NELL1: variants seen among roughly 807,000 people sequenced by gnomAD.
NELL1 encodes neural EGFL like 1.
A neutral mutation model predicts 107.4 loss-of-function variants in NELL1; 76 were observed. The observed-to-expected ratio is 0.71, with a 90% CI of 0.59 to 0.86. The LOEUF (loss-of-function observed/expected upper bound fraction) is 0.86. Among genes scored for constraint, NELL1 ranks in the 40% least tolerant of loss-of-function variants. The pLI, the probability that NELL1 is intolerant of heterozygous loss-of-function variation, is 0.00. For missense variants in NELL1, 1,024 were observed against 1,005.5 expected (o/e 1.02, Z -0.25); for synonymous variants, 353 against 341.2 (o/e 1.03, Z -0.38).
intron 12 of NELL1, among the ~76,000 whole-genome samples, chr11:21,043,971 A>G (rs1215595280): frequency 1.3e-5 from 2 of 152,164 alleles, no homozygotes; most frequent in Non-Finnish European, 2.9e-5. Context: ...AAGGTTGGAC[A>G]CATTAAGTCT....
chr11:21,405,788 A>G (rs1028335020), intron 15 of NELL1, among the ~76,000 whole-genome samples: 7 of 151,804 alleles, frequency 4.6e-5, no homozygotes, highest in African/African-American at 1.7e-4. Flanking sequence ...AATTCCTTCT[A>G]CTAAAAATGG....
chr11:20,847,857 C>T (rs1002340649), intron 4 of NELL1, 104 bp downstream of exon 4: 1 of 1,209,906 alleles, frequency 8.3e-7, no homozygotes, highest in Non-Finnish European at 1.1e-6. Flanking sequence ...GAAACAAACA[C>T]CAAGGGACCC....
chr11:21,478,978 A>G (rs1019480230), intron 15 of NELL1, among the ~76,000 whole-genome samples: 8 of 152,124 alleles, frequency 5.3e-5, no homozygotes, highest in African/African-American at 1.9e-4. Context: ...GCAAATCAAA[A>G]CTATAACGAT....
At chr11:21,255,140 G>A (rs971584694) in intron 14 of NELL1, among the ~76,000 whole-genome samples, 1 of 152,046 alleles carries the variant, frequency 6.6e-6, no homozygotes, top group Non-Finnish European at 1.5e-5. Context: ...TGGGTGGAGT[G>A]GTCTTAAAAG....
At chr11:21,508,098 C>G (rs901670077) in intron 15 of NELL1, among the ~76,000 whole-genome samples, 1 of 152,016 alleles carries the variant, frequency 6.6e-6, no homozygotes, top group Non-Finnish European at 1.5e-5. Flanking sequence ...GAAGTTATTT[C>G]TTTGAAAATA....
chr11:20,984,671 A>T (rs1230963628), intron 12 of NELL1, among the ~76,000 whole-genome samples: 1 of 150,976 alleles, frequency 6.6e-6, no homozygotes, highest in East Asian at 2.0e-4. Context: ...CTCCTACTGG[A>T]TGCTGTTCAG....
chr11:20,972,264 C>T (rs1292666503), intron 12 of NELL1, among the ~76,000 whole-genome samples: 3 of 152,028 alleles, frequency 2.0e-5, no homozygotes, highest in African/African-American at 4.8e-5. Context: ...AGGCAGAATC[C>T]AGCACACAAT....
At chr11:20,873,234 G>T (rs1849238387) in intron 4 of NELL1, among the ~76,000 whole-genome samples, 2 of 152,112 alleles carry the variant, frequency 1.3e-5, no homozygotes, top group African/African-American at 4.8e-5. Flanking sequence ...GACGACTGTG[G>T]CCTTGATGTA....
chr11:21,215,347 T>A (rs747053098), intron 13 of NELL1, among the ~76,000 whole-genome samples: 2 of 152,206 alleles, frequency 1.3e-5, no homozygotes, highest in Non-Finnish European at 2.9e-5. Flanking sequence ...TTCTTTCCTT[T>A]ATAAATTACC....
chr11:21,325,008 A>G (rs1014910943), intron 14 of NELL1, among the ~76,000 whole-genome samples: 3 of 151,666 alleles, frequency 2.0e-5, no homozygotes, highest in African/African-American at 7.3e-5. Flanking sequence ...TTTGTATTTT[A>G]TTTTTTGCAA....
intron 2 of NELL1, among the ~76,000 whole-genome samples, chr11:20,748,879 TCCA>T (rs1461612179): frequency 2.0e-5 from 3 of 147,588 alleles, no homozygotes. Flanking sequence ...CTATCATCCA[TCCA>T]TCCATCCATC....
At chr11:21,100,103 A>T (rs1307921243) in intron 12 of NELL1, among the ~76,000 whole-genome samples, 1 of 151,736 alleles carries the variant, frequency 6.6e-6, no homozygotes, top group African/African-American at 2.4e-5. Context: ...TGCAACCTCC[A>T]CTTCCCGGGT....
intron 5 of NELL1, among the ~76,000 whole-genome samples, chr11:20,896,316 AT>A (rs1256256231): frequency 6.6e-6 from 1 of 152,112 alleles, no homozygotes; most frequent in Non-Finnish European, 1.5e-5. Context: ...CCATTATTTC[AT>A]TTCCTTTTAT....
chr11:20,840,186 C>T (rs939158329), intron 3 of NELL1, among the ~76,000 whole-genome samples: 14 of 152,032 alleles, frequency 9.2e-5, no homozygotes, highest in African/African-American at 3.4e-4. Context: ...ATCTGTGGTG[C>T]TATTTATAAG....
In NELL1 at chr11:20,813,006, CAAAAAAAAAAAAAAAAAAAAAAAA is replaced by C. The variant is rs869187456; in HGVS notation, c.335+29194_335+29217del. 3.3e-3 allele frequency among the ~76,000 whole-genome samples: 205 copies of C among 61,276 alleles called. 4 individuals carry two copies. The highest frequency in any genetic ancestry group is 0.013 in the African/African-American group (192 of 14,488). The allele number at this position is 61,276 out of a possible 152,430, so 40.2% of individuals were successfully genotyped here. A position where few individuals can be genotyped will look rare whatever the true frequency, so the allele number is the denominator to read the frequency against. On this transcript the variant is annotated intron_variant, in intron 3 of 19. Transcript: ENST00000357134. Reference sequence around the variant, plus strand: ...CCTGGGCGACAGCGAGACTCCGTCTCAAAAAAAAAAAAAAAAAAAAAAAAAAAAAAAAAAAAAAAAAGAAATAGC... The same window carrying C: ...CCTGGGCGACAGCGAGACTCCGTCTCAAAAAAAAAAAAAAAAAGAAATAGC...
intron 15 of NELL1, among the ~76,000 whole-genome samples, chr11:21,441,543 G>C (rs892415116): frequency 6.6e-6 from 1 of 151,906 alleles, no homozygotes. Context: ...AAGGCTGTAT[G>C]ATATTGTAAC....
rs74233033 is a variant in NELL1 at position 20,914,124 on chromosome 11, C to T, written c.604-4058C>T. Among the ~76,000 whole-genome samples the T allele has an allele frequency of 3.9e-5, 6 of 152,108 alleles. No individual in the cohort carries two copies. The East Asian group carries it at 5.8e-4, about 15-fold the overall frequency. On this transcript the variant is annotated intron_variant, in intron 5 of 19. Coordinates refer to ENST00000357134, the MANE Select transcript of NELL1 (RefSeq NM_006157.5). ...CCAGCACTGGTTTTGGAGTGTTAAT[C>T]GAAAAGTGTCTGGATCTGTCTCTAG...
intron 13 of NELL1, among the ~76,000 whole-genome samples, chr11:21,192,355 T>C (rs1857066605): frequency 6.6e-6 from 1 of 151,898 alleles, no homozygotes; most frequent in Admixed American, 6.6e-5. Context: ...TTCTGTATGC[T>C]AATGATTAAG....
intron 4 of NELL1, among the ~76,000 whole-genome samples, chr11:20,856,179 C>CA (rs1324234510): frequency 6.6e-6 from 1 of 152,164 alleles, no homozygotes; most frequent in Admixed American, 6.5e-5. Flanking sequence ...TTTTCCTGCA[C>CA]AAACCCCAAA....
Sources: allele counts gnomAD v4.1 joint callset (sites outside exome capture counted in the v4.1 genomes callset), GRCh38; gene constraint gnomAD v4.1.1; transcripts MANE v1.5; gene names NCBI Gene and HGNC (gene_info 2026-07-23, HGNC 2026-07-21).